The following PTPRT variants were observed in gnomAD, a reference collection of about 807,000 sequenced individuals.
The protein encoded by PTPRT is protein tyrosine phosphatase receptor type T.
A neutral mutation model predicts 176.8 loss-of-function variants in PTPRT; 56 were observed. The observed-to-expected ratio is 0.32, with a 90% CI of 0.26 to 0.40. The LOEUF (loss-of-function observed/expected upper bound fraction) is 0.40. Ranked by LOEUF, PTPRT falls within the 10% of genes least tolerant of loss-of-function variation. The probability of loss-of-function intolerance (pLI) is 1.00; values close to 1 mark genes in which losing one functional copy is unlikely to be tolerated. For missense variants in PTPRT, 1,540 were observed against 1,908.2 expected, an observed-to-expected ratio of 0.81 and a Z score of 3.60; for synonymous variants, 783 against 739.0, an observed-to-expected ratio of 1.06 and a Z score of -0.96.
intron 1 of PTPRT, among the ~76,000 whole-genome samples, chr20:43,023,313 C>T (rs946775752): frequency 1.3e-5 from 2 of 152,158 alleles, no homozygotes; most frequent in African/African-American, 2.4e-5. Context: ...CTGAAGCATC[C>T]TCCTCAACAT....
intron 13 of PTPRT, among the ~76,000 whole-genome samples, chr20:42,269,312 G>T (rs1159332993): frequency 6.6e-6 from 1 of 152,194 alleles, no homozygotes; most frequent in South Asian, 2.1e-4. Flanking sequence ...AACTGTGAAG[G>T]TACTGGATGC....
At chr20:42,698,522 G>A (rs571717860) in intron 6 of PTPRT, among the ~76,000 whole-genome samples, 1 of 152,138 alleles carries the variant, frequency 6.6e-6, no homozygotes, top group Non-Finnish European at 1.5e-5. Flanking sequence ...ATCTTCATGG[G>A]TTGCACCAGT....
At chr20:42,170,804 T>C (rs1337356399) in intron 16 of PTPRT, among the ~76,000 whole-genome samples, 1 of 152,216 alleles carries the variant, frequency 6.6e-6, no homozygotes, top group East Asian at 1.9e-4. Context: ...ACATTATGTG[T>C]CCTTTCTTAT....
At chr20:42,045,701 G>A in the PTPRT span, among the ~76,000 whole-genome samples, 2 of 151,780 alleles carry the variant, frequency 1.3e-5, no homozygotes, top group Admixed American at 1.3e-4. Flanking sequence ...CCAGTTTACA[G>A]ATGAGGAAAC....
intron 15 of PTPRT, among the ~76,000 whole-genome samples, chr20:42,200,520 A>G (rs1991406485): frequency 6.6e-6 from 1 of 152,176 alleles, no homozygotes; most frequent in Admixed American, 6.5e-5. Context: ...ATTCTTTCAA[A>G]TGATGTGGAC....
At chr20:42,374,375 T>A (rs562382425) in intron 9 of PTPRT, among the ~76,000 whole-genome samples, 2 of 152,344 alleles carry the variant, frequency 1.3e-5, no homozygotes, top group South Asian at 4.1e-4. Flanking sequence ...GCTAGTTGTT[T>A]GATCTCTGGT....
At chr20:42,854,985 A>G (rs2078536076) in intron 2 of PTPRT, among the ~76,000 whole-genome samples, 2 of 152,188 alleles carry the variant, frequency 1.3e-5, no homozygotes, top group Admixed American at 1.3e-4. Context: ...GCAACTTTAC[A>G]TGAACATTTG....
chr20:42,598,548 T>G (rs34818330), intron 7 of PTPRT, among the ~76,000 whole-genome samples: 1 of 152,142 alleles, frequency 6.6e-6, no homozygotes, highest in Admixed American at 6.5e-5. Flanking sequence ...AGAGGCTAGA[T>G]AGACGTTGGT....
intron 9 of PTPRT, among the ~76,000 whole-genome samples, chr20:42,408,263 G>T (rs2058979866): frequency 6.6e-6 from 1 of 152,036 alleles, no homozygotes; most frequent in Admixed American, 6.6e-5. Context: ...AAATAAAATT[G>T]TATATTATTG....
intron 1 of PTPRT, among the ~76,000 whole-genome samples, chr20:43,092,104 T>C (rs899157297): frequency 2.6e-5 from 4 of 152,064 alleles, no homozygotes; most frequent in African/African-American, 9.7e-5. Context: ...CATGGGAAAG[T>C]GGTTTATTTG....
rs113255018 is a variant in PTPRT, at chr20:42,733,915, G to A, written c.859+22547C>T. Among the ~76,000 whole-genome samples, 1,036 of 152,306 alleles carry A rather than the reference G, an allele frequency of 6.8e-3. 17 individuals are homozygous for A. The highest frequency in any genetic ancestry group is 0.024 in the African/African-American group (980 of 41,570). On this transcript the variant is annotated intron_variant, in intron 6 of 30. Transcript: ENST00000373187. ...TGCTCTGGCAATGTGGGCAGGAAAA[G>A]GCCTTGGTGGCAATGGGTGTTGCAT...
chr20:42,737,368 C>T (rs112963322), intron 6 of PTPRT, among the ~76,000 whole-genome samples: 1,710 of 152,184 alleles, frequency 0.011, 41 homozygotes, highest in African/African-American at 0.039. Context: ...TGGTGGCTCA[C>T]GCCTGTAATC....
At chr20:42,804,353 C>T (rs2145595151) in intron 2 of PTPRT, among the ~76,000 whole-genome samples, 1 of 152,288 alleles carries the variant, frequency 6.6e-6, no homozygotes, top group African/African-American at 2.4e-5. Flanking sequence ...ATGCAGACCC[C>T]AACCATCTCT....
Position 42,772,025 on chromosome 20 carries a change from A to G in PTPRT, c.569-475T>C, listed in dbSNP as rs1011601352. On this transcript the variant is annotated intron_variant, in intron 4 of 30. Coordinates refer to ENST00000373187, the MANE Select transcript of PTPRT (RefSeq NM_007050.6). ...GGGGGGCAGGAGGGGTGTATTCACC[A>G]TAGGTGATGCTTCCCTGTAGCCTGA... Among the ~76,000 whole-genome samples the G allele has an allele frequency of 3.9e-5, 6 of 152,234 alleles. No individual in the cohort carries two copies. The East Asian group carries it at 1.2e-3, about 29-fold the overall frequency.
intron 2 of PTPRT, among the ~76,000 whole-genome samples, chr20:42,824,996 A>T (rs2077967816): frequency 6.6e-6 from 1 of 152,100 alleles, no homozygotes; most frequent in African/African-American, 2.4e-5. Context: ...ATAATAAGGA[A>T]AAACCAGGTC....
intron 6 of PTPRT, among the ~76,000 whole-genome samples, chr20:42,690,543 A>C (rs945532180): frequency 6.6e-6 from 1 of 152,174 alleles, no homozygotes; most frequent in Non-Finnish European, 1.5e-5. Context: ...AGTGTTCAAC[A>C]TGCTGGGTGA....
At chr20:42,143,284 G>A (rs1443533111) in intron 17 of PTPRT, among the ~76,000 whole-genome samples, 1 of 152,092 alleles carries the variant, frequency 6.6e-6, no homozygotes, top group Middle Eastern at 3.4e-3. Context: ...GGCCAGGCGC[G>A]ATGGCTCAAG....
chr20:42,848,186 T>C (rs2078409223), intron 2 of PTPRT, among the ~76,000 whole-genome samples: 1 of 152,228 alleles, frequency 6.6e-6, no homozygotes, highest in Non-Finnish European at 1.5e-5. Context: ...GGCTGGGTAA[T>C]ATTCCATGGC....
intron 2 of PTPRT, among the ~76,000 whole-genome samples, chr20:42,802,711 A>G (rs2077548705): frequency 1.3e-5 from 2 of 152,228 alleles, no homozygotes; most frequent in Admixed American, 1.3e-4. Flanking sequence ...AACTTGTCCA[A>G]CATTACAAGG....
Sources: gnomAD v4.1 joint callset for allele counts (sites outside exome capture counted in the v4.1 genomes callset) on GRCh38, gnomAD v4.1.1 for gene constraint, MANE v1.5 for transcripts, NCBI Gene and HGNC (gene_info 2026-07-23, HGNC 2026-07-21) for gene names.